LMNTD1: variants seen among roughly 807,000 people sequenced by gnomAD.
The protein encoded by LMNTD1 is lamin tail domain containing 1.
LMNTD1 carries 35 observed loss-of-function variants against 50.9 expected under a neutral mutation model. The observed-to-expected ratio is 0.69, with a 90% confidence interval of 0.53 to 0.91. The LOEUF (loss-of-function observed/expected upper bound fraction) is 0.91. Ranked by LOEUF, LMNTD1 falls within the 40% of genes least tolerant of loss-of-function variation. The probability of loss-of-function intolerance (pLI) is 0.00; values close to 1 mark genes in which losing one functional copy is unlikely to be tolerated. For missense variants in LMNTD1, 470 were observed against 475.5 expected (o/e 0.99, Z 0.11); for synonymous variants, 153 against 161.9 (o/e 0.94, Z 0.42).
intron 1 of LMNTD1, among the ~76,000 whole-genome samples, chr12:25,600,085 G>C (rs1428247041): frequency 6.6e-6 from 1 of 152,030 alleles, no homozygotes; most frequent in Non-Finnish European, 1.5e-5. Context: ...GCATGGTACT[G>C]GCATAAAAAC....
chr12:25,506,303 A>G (rs1321766958), intron 8 of LMNTD1, among the ~76,000 whole-genome samples: 1 of 152,216 alleles, frequency 6.6e-6, no homozygotes, highest in South Asian at 2.1e-4. Flanking sequence ...TATTATTACT[A>G]TGATAACATT....
intron 1 of LMNTD1, among the ~76,000 whole-genome samples, chr12:25,605,059 A>C (rs1592096057): frequency 3.3e-5 from 5 of 152,264 alleles, no homozygotes; most frequent in African/African-American, 1.2e-4. Flanking sequence ...GTGAGATGGT[A>C]TCTCATTGTG....
chr12:25,485,545 ATTGCTTTTGGTG>A (rs998050711), intron 9 of LMNTD1, among the ~76,000 whole-genome samples: 3 of 134,912 alleles, frequency 2.2e-5, no homozygotes, highest in African/African-American at 8.5e-5. Context: ...TTTTGTTGCC[ATTGCTTTTGGTG>A]TTTTGGACAT....
chr12:25,626,805 C>T (rs1946600248), intron 1 of LMNTD1, among the ~76,000 whole-genome samples: 1 of 152,164 alleles, frequency 6.6e-6, no homozygotes, highest in South Asian at 2.1e-4. Context: ...CCCACCCAAG[C>T]TGAAACCTCA....
chr12:25,646,960 T>C (rs1947085409), intron 1 of LMNTD1, among the ~76,000 whole-genome samples: 1 of 152,220 alleles, frequency 6.6e-6, no homozygotes, highest in Non-Finnish European at 1.5e-5. Flanking sequence ...GTACCTTGTT[T>C]AAGACCCATC....
At chr12:25,546,952 C>T (rs1943472070) in intron 3 of LMNTD1, among the ~76,000 whole-genome samples, 1 of 151,576 alleles carries the variant, frequency 6.6e-6, no homozygotes, top group Non-Finnish European at 1.5e-5. Context: ...TGCTAAAATT[C>T]CCAAATGGCT....
In LMNTD1 at chr12:25,509,538, C is replaced by T. The variant is rs1208794097; in HGVS notation, c.1190-5738G>A. Among the ~76,000 whole-genome samples, 8 of 152,162 alleles carry T rather than the reference C, an allele frequency of 5.3e-5. No homozygotes were observed. In the East Asian group the frequency reaches 1.3e-3, roughly 26 times the overall value. ...CAGAAAATTTAGAGAACTTTAACTC[C>T]ATTTAGTCCTCTCCCAACTTTTGTT... On this transcript the variant is annotated intron_variant, in intron 8 of 9. Coordinates refer to ENST00000458174, the MANE Select transcript of LMNTD1 (RefSeq NM_001145728.2).
intron 8 of LMNTD1, among the ~76,000 whole-genome samples, chr12:25,518,543 CT>C (rs1268251018): frequency 6.6e-6 from 1 of 152,124 alleles, no homozygotes; most frequent in Non-Finnish European, 1.5e-5. Context: ...GCTGGCCACG[CT>C]GTTCTTTTAA....
At chr12:25,476,618 GAAGA>G (rs748534790) in intron 9 of LMNTD1, among the ~76,000 whole-genome samples, 158 bp from the exon 10 acceptor site, 20 of 152,308 alleles carry the variant, frequency 1.3e-4, no homozygotes, top group Non-Finnish European at 2.6e-4. Context: ...AGAAATCAAA[GAAGA>G]AAGAGATTGA....
intron 9 of LMNTD1, among the ~76,000 whole-genome samples, chr12:25,484,031 A>G (rs886264664): frequency 8.6e-5 from 13 of 152,006 alleles, no homozygotes; most frequent in Admixed American, 1.3e-4. Flanking sequence ...CTGAGAAAAA[A>G]ACAAGTGTAT....
chr12:25,544,893 T>C (rs1282709901), intron 4 of LMNTD1, among the ~76,000 whole-genome samples: 2 of 151,778 alleles, frequency 1.3e-5, no homozygotes, highest in African/African-American at 4.8e-5. Context: ...ATTTTGACTG[T>C]TAGTTTTCTC....
intron 1 of LMNTD1, among the ~76,000 whole-genome samples, chr12:25,571,343 A>T (rs563544916): frequency 6.5e-5 from 2 of 30,908 alleles, no homozygotes; most frequent in African/African-American, 1.1e-4. Flanking sequence ...AAGTATTTTT[A>T]TTTATTTATT....
intron 8 of LMNTD1, among the ~76,000 whole-genome samples, chr12:25,516,244 T>C (rs1240817225): frequency 2.0e-5 from 3 of 152,170 alleles, no homozygotes; most frequent in South Asian, 4.1e-4. Context: ...AAAAAAAAGT[T>C]ATGTAACGAT....
At chr12:25,559,735 A>G (rs7955228) in intron 1 of LMNTD1, among the ~76,000 whole-genome samples, 150,756 of 152,218 alleles carry the variant, frequency 0.99, 74,665 homozygotes, top group Middle Eastern at 1. Flanking sequence ...AATGATCGCC[A>G]TTCTAACTGG....
intron 1 of LMNTD1, among the ~76,000 whole-genome samples, chr12:25,620,244 G>A (rs995932490): frequency 5.9e-5 from 9 of 152,096 alleles, no homozygotes; most frequent in Non-Finnish European, 1.3e-4. Flanking sequence ...TGTTTTCAAA[G>A]GGCATTTCAA....
intron 1 of LMNTD1, among the ~76,000 whole-genome samples, chr12:25,626,864 A>G (rs910013340): frequency 6.6e-6 from 1 of 152,174 alleles, no homozygotes; most frequent in Non-Finnish European, 1.5e-5. Context: ...TACATCAAAT[A>G]ATGTTTTTCC....
intron 4 of LMNTD1, among the ~76,000 whole-genome samples, chr12:25,536,684 G>T (rs1342161512): frequency 7.1e-6 from 1 of 140,812 alleles, no homozygotes; most frequent in Non-Finnish European, 1.6e-5. Context: ...AAAATTAGGG[G>T]AGAAAAAAAA....
At chr12:25,576,339 C>G (rs1407537327) in intron 1 of LMNTD1, among the ~76,000 whole-genome samples, 2 of 152,222 alleles carry the variant, frequency 1.3e-5, no homozygotes, top group South Asian at 2.1e-4. Flanking sequence ...TCTCCACATC[C>G]TCTCCAGCAC....
chr12:25,550,524 A>G (rs982835295), intron 2 of LMNTD1, among the ~76,000 whole-genome samples: 1 of 152,214 alleles, frequency 6.6e-6, no homozygotes, highest in Non-Finnish European at 1.5e-5. Flanking sequence ...GGGGGTCCAC[A>G]TATCTATCCA....
Sources: allele counts gnomAD v4.1 joint callset (sites outside exome capture counted in the v4.1 genomes callset), GRCh38; gene constraint gnomAD v4.1.1; transcripts MANE v1.5; gene names NCBI Gene and HGNC (gene_info 2026-07-23, HGNC 2026-07-21).